The following CSMD1 variants were observed in gnomAD, a reference collection of about 807,000 sequenced individuals.
CSMD1 encodes CUB and Sushi multiple domains 1.
In CSMD1, 213 loss-of-function variants were observed where a neutral mutation model predicts 417.5. That is an observed-to-expected ratio of 0.51 (90% confidence interval 0.46 to 0.57). The LOEUF (loss-of-function observed/expected upper bound fraction) is 0.57, where lower values mean the gene tolerates loss of function less well. Ranked by LOEUF, CSMD1 falls within the 20% of genes least tolerant of loss-of-function variation. The pLI is 0.00. For synonymous variants in CSMD1, 2,862 were observed against 1,736.8 expected (o/e 1.65, Z -16.11); for missense variants, 6,923 against 4,529.7 (o/e 1.53, Z -15.17).
chr8:3,147,646 T>C (rs550671275), intron 40 of CSMD1, among the ~76,000 whole-genome samples: 60 of 152,356 alleles, frequency 3.9e-4, no homozygotes, highest in African/African-American at 1.4e-3. Flanking sequence ...GTCATTTTCC[T>C]TGTTACTTAG....
rs547610266 is a variant in CSMD1 at position 3,108,593 on chromosome 8, A to G, written c.6754+10T>C. 6.2e-6 allele frequency: 10 copies of G among 1,613,426 alleles called. No homozygotes were observed. In the South Asian group the frequency reaches 8.8e-5, roughly 14 times the overall value. ...CTCAGTCTTAACTAACGGAGTGAAA[A>G]TCAACTGACCGTGGAAATTGAGGAC... is the stretch of plus-strand genomic sequence containing the variant. On this transcript the variant is annotated intron_variant, in intron 44 of 69. Transcript: ENST00000635120.
chr8:4,393,936 T>G (rs749965580), intron 3 of CSMD1, among the ~76,000 whole-genome samples: 13 of 152,194 alleles, frequency 8.5e-5, no homozygotes, highest in Non-Finnish European at 1.6e-4. Context: ...TGTAAGATAT[T>G]GCCTGTGTTT....
At chr8:4,382,471 A>C (rs1803165075) in intron 3 of CSMD1, among the ~76,000 whole-genome samples, 1 of 152,054 alleles carries the variant, frequency 6.6e-6, no homozygotes, top group South Asian at 2.1e-4. Context: ...TAGACCATTA[A>C]CTCTACATTC....
rs1417333939 is a variant in CSMD1 at position 4,994,446 on chromosome 8, C to A, written c.-30G>T. 3 of 1,587,688 alleles carry A rather than the reference C, an allele frequency of 1.9e-6. No individual in the cohort carries two copies. The Admixed American group carries it at 5.0e-5, about 27-fold the overall frequency. Reference sequence around the variant, plus strand: ...GCAGATACTCCACACGCACGCGACACCGATGGCTCCTCCGAGGAAGGCAGG... The same window carrying A: ...GCAGATACTCCACACGCACGCGACAACGATGGCTCCTCCGAGGAAGGCAGG... On this transcript the variant is annotated 5_prime_UTR_variant, in exon 1 of 70. Coordinates refer to ENST00000635120, the MANE Select transcript of CSMD1 (RefSeq NM_033225.6).
At chr8:3,916,399 C>G (rs1808833761) in intron 5 of CSMD1, among the ~76,000 whole-genome samples, 1 of 152,130 alleles carries the variant, frequency 6.6e-6, no homozygotes, top group South Asian at 2.1e-4. Context: ...TGAAATAACT[C>G]TCAATTTCTA....
chr8:3,433,752 G>A (rs1413726211), intron 12 of CSMD1, among the ~76,000 whole-genome samples: 3 of 152,138 alleles, frequency 2.0e-5, no homozygotes, highest in Admixed American at 2.0e-4. Context: ...GGCTTGTGTT[G>A]ACTTTTATTT....
chr8:4,941,037 A>G (rs936942322), intron 1 of CSMD1, among the ~76,000 whole-genome samples: 1 of 152,198 alleles, frequency 6.6e-6, no homozygotes, highest in Admixed American at 6.5e-5. Context: ...TACACTTTTC[A>G]TTTCTGTTAT....
intron 26 of CSMD1, among the ~76,000 whole-genome samples, chr8:3,274,752 C>T (rs1371091443): frequency 6.6e-6 from 1 of 152,014 alleles, no homozygotes; most frequent in Non-Finnish European, 1.5e-5. Flanking sequence ...GATTGCAACC[C>T]CTGCCTTTTT....
intron 1 of CSMD1, among the ~76,000 whole-genome samples, chr8:4,971,849 C>G (rs150223693): frequency 4.8e-4 from 73 of 151,912 alleles, no homozygotes; most frequent in African/African-American, 1.8e-3. Context: ...AATTTTAATT[C>G]AGGAAGAAAT....
At chr8:4,595,490 C>G (rs183582877) in intron 2 of CSMD1, among the ~76,000 whole-genome samples, 1 of 152,032 alleles carries the variant, frequency 6.6e-6, no homozygotes, top group Non-Finnish European at 1.5e-5. Flanking sequence ...GGAGTCCTCT[C>G]AAATGGTGGC....
intron 23 of CSMD1, among the ~76,000 whole-genome samples, chr8:3,315,462 G>GTGTGTGTGTGTGTGTGT (rs58150104): frequency 6.6e-6 from 1 of 151,496 alleles, no homozygotes; most frequent in African/African-American, 2.4e-5. Context: ...GTGTGTGTGT[G>GTGTGTGTGTGTGTGTGT]ATTTTTAAAC....
chr8:3,108,466 G>C (rs1002964399), intron 44 of CSMD1, 137 bp downstream of exon 44: 3 of 744,010 alleles, frequency 4.0e-6, no homozygotes, highest in Non-Finnish European at 4.3e-6. Context: ...AGGAAACGCT[G>C]GCCTCCAGTG....
At chr8:3,416,182 TTC>T (rs1813135651) in intron 12 of CSMD1, among the ~76,000 whole-genome samples, 1 of 151,028 alleles carries the variant, frequency 6.6e-6, no homozygotes, top group Non-Finnish European at 1.5e-5. Context: ...GCGCCTGTAA[TTC>T]CCAGCTACTC....
chr8:4,748,116 A>T (rs534392992), intron 1 of CSMD1, among the ~76,000 whole-genome samples: 7 of 152,220 alleles, frequency 4.6e-5, no homozygotes, highest in Non-Finnish European at 8.8e-5. Flanking sequence ...CCTTAGAAGA[A>T]CAATGACATG....
chr8:4,005,556 T>C (rs1244557340), intron 4 of CSMD1, among the ~76,000 whole-genome samples: 1 of 152,218 alleles, frequency 6.6e-6, no homozygotes, highest in African/African-American at 2.4e-5. Context: ...ATTTTCTGAA[T>C]TGTCTTTTAT....
At chr8:4,412,966 C>A (rs915067369) in intron 3 of CSMD1, among the ~76,000 whole-genome samples, 3 of 152,180 alleles carry the variant, frequency 2.0e-5, no homozygotes, top group Non-Finnish European at 4.4e-5. Flanking sequence ...CATCAATGGA[C>A]AGAAGCCATC....
intron 3 of CSMD1, among the ~76,000 whole-genome samples, chr8:4,202,857 A>C (rs935992914): frequency 1.3e-5 from 2 of 152,216 alleles, no homozygotes; most frequent in African/African-American, 4.8e-5. Context: ...CATCAAATGC[A>C]GGTACCTGAG....
intron 3 of CSMD1, among the ~76,000 whole-genome samples, chr8:4,079,601 T>C (rs193062164): frequency 1.5e-4 from 23 of 152,342 alleles, no homozygotes; most frequent in Middle Eastern, 6.8e-3. Flanking sequence ...AGGGAAAGCA[T>C]TAAAGATTTC....
At chr8:3,279,933 G>C (rs192708715) in intron 26 of CSMD1, among the ~76,000 whole-genome samples, 65 of 152,296 alleles carry the variant, frequency 4.3e-4, no homozygotes, top group African/African-American at 1.5e-3. Flanking sequence ...TACAATTCAA[G>C]GTGAGATTTG....
Sources: gnomAD v4.1 joint callset for allele counts (sites outside exome capture counted in the v4.1 genomes callset) on GRCh38, gnomAD v4.1.1 for gene constraint, MANE v1.5 for transcripts, NCBI Gene and HGNC (gene_info 2026-07-23, HGNC 2026-07-21) for gene names.